ZNF236: variants seen among roughly 807,000 people sequenced by gnomAD.
ZNF236 encodes the protein zinc finger protein 236.
Under a neutral mutation model 191.2 loss-of-function variants are expected in ZNF236, and 50 were observed. The ratio of observed to expected loss-of-function variants is 0.26; its 90% confidence interval spans 0.21 to 0.33. The LOEUF (loss-of-function observed/expected upper bound fraction) is 0.33. Ranked by LOEUF, ZNF236 falls within the 10% of genes least tolerant of loss-of-function variation. The pLI is 1.00. For synonymous variants in ZNF236, 907 were observed against 928.8 expected, an observed-to-expected ratio of 0.98 and a Z score of 0.43; for missense variants, 1,754 against 2,374.5, an observed-to-expected ratio of 0.74 and a Z score of 5.43.
At chr18:76,833,601 T>C (rs1422150867) in intron 1 of ZNF236, among the ~76,000 whole-genome samples, 1 of 152,190 alleles carries the variant, frequency 6.6e-6, no homozygotes, top group Non-Finnish European at 1.5e-5. Context: ...GTACATACTT[T>C]ATGCTTTTTA....
chr18:76,844,203 G>A (rs9950669), intron 1 of ZNF236, among the ~76,000 whole-genome samples: 27,812 of 148,280 alleles, frequency 0.19, 2,733 homozygotes, highest in Middle Eastern at 0.26. Context: ...TCACACCAGT[G>A]AACTCTAGCC....
chr18:76,870,918 C>T (rs1976566041), intron 4 of ZNF236, among the ~76,000 whole-genome samples: 1 of 152,114 alleles, frequency 6.6e-6, no homozygotes, highest in Admixed American at 6.5e-5. Context: ...ATGGTGTGAC[C>T]AGACTTTCGG....
At position 76,835,915 on chromosome 18, in the gene ZNF236, C is replaced by CT. The variant is rs565820782; in HGVS notation, c.55+13263dup. On this transcript the variant is annotated intron_variant, in intron 1 of 30. Coordinates refer to ENST00000320610, the MANE Select transcript of ZNF236 (RefSeq NM_001306089.2). ...TCCATTAGCCTGCTATTTATACATT[C>CT]TTTTTTTTTTGAGATTAAGTCTTGC... 2.9e-3 allele frequency among the ~76,000 whole-genome samples: 433 copies of CT among 149,382 alleles called. 4 individuals are homozygous for CT. The highest frequency in any genetic ancestry group is 9.3e-3 in the African/African-American group (379 of 40,908).
chr18:76,861,230 G>A (rs768901754), intron 3 of ZNF236, among the ~76,000 whole-genome samples: 6 of 152,194 alleles, frequency 3.9e-5, no homozygotes, highest in Non-Finnish European at 5.9e-5. Flanking sequence ...GCAGGCTGGC[G>A]TATGTGGTAC....
intron 9 of ZNF236, chr18:76,886,515 G>T (rs1483839748): frequency 2.1e-5 from 4 of 194,024 alleles, no homozygotes; most frequent in African/African-American, 7.0e-5. Context: ...GGCACCATGA[G>T]ATCCTGGAAG....
At position 76,927,511 on chromosome 18, in the gene ZNF236, A is replaced by G; in HGVS notation, c.4408A>G (p.Ser1470Gly). 8 of 1,613,744 alleles carry G rather than the reference A, an allele frequency of 5.0e-6. No homozygotes were observed. Among genetic ancestry groups the G allele is most frequent in the Non-Finnish European group, 6.8e-6 (8 of 1,179,888 alleles). Residue 1470 changes from serine to glycine, a missense_variant, in exon 24 of 31, where the codon AGC becomes GGC. Ser to Gly is a moderately conservative substitution (Grantham distance 56). Around this residue, in one of 5 missense-constraint regions of ZNF236, gnomAD observed 606 missense variants for 761.5 expected, o/e 0.80. Transcript: ENST00000320610. The surrounding 1 kb of genome is among the most constrained non-coding windows in gnomAD (Gnocchi z 5.4). ...GCAGGATTCAGTGCTGACCACTAAC[A>G]GCAGTGGTAAGAGCCACTCACTTTT... ...SEQDSVLTTN[S>G]SGTQDLTQVM...
chr18:76,960,907 C>G lies in ZNF236; in HGVS notation c.5419+52C>G, dbSNP rs766884155. On this transcript the variant is annotated intron_variant, in intron 30 of 30. Coordinates refer to ENST00000320610, the MANE Select transcript of ZNF236 (RefSeq NM_001306089.2). This position sits in a 1 kb window ranked among gnomAD's most constrained non-coding sequence, Gnocchi z 4.4. ...TGCTGTTCGGTGGCCTGCGAGGCAC[C>G]CTGTGTTTCGCATACATTGTTTCCT... is the stretch of plus-strand genomic sequence containing the variant. 9.1e-6 allele frequency: 14 copies of G among 1,535,410 alleles called. No individual in the cohort carries two copies. The highest frequency in any genetic ancestry group is 7.0e-5 in the East Asian group (3 of 43,006).
At position 76,927,957 on chromosome 18, in the gene ZNF236, C is replaced by T. The variant is rs780391654; in HGVS notation, c.4445C>T (p.Ser1482Leu). Residue 1482 changes from serine (S) to leucine (L), a missense_variant, in exon 25 of 31, where the codon TCG (serine) becomes TTG (leucine). Coordinates refer to ENST00000320610, the MANE Select transcript of ZNF236 (RefSeq NM_001306089.2). This position sits in a 1 kb window ranked among gnomAD's most constrained non-coding sequence, Gnocchi z 5.4. ...CAAGACCTCACTCAAGTGATGACTT[C>T]GCAAGGTCTAGTGTCCCCCTCCGGC... ...GTQDLTQVMT[S>L]QGLVSPSGGP... 4.3e-6 allele frequency: 7 copies of T among 1,609,936 alleles called. No homozygotes were observed. Among genetic ancestry groups the T allele is most frequent in the Admixed American group, 3.4e-5 (2 of 59,252 alleles).
Position 76,960,895 on chromosome 18 carries a change from C to T in ZNF236, c.5419+40C>T. On this transcript the variant is annotated intron_variant, in intron 30 of 30. Coordinates refer to ENST00000320610, the MANE Select transcript of ZNF236 (RefSeq NM_001306089.2). This position sits in a 1 kb window ranked among gnomAD's most constrained non-coding sequence, Gnocchi z 4.4. The stretch of plus-strand genomic sequence containing the variant: ...CCCGGGAGTGCGTGCTGTTCGGTGG[C>T]CTGCGAGGCACCCTGTGTTTCGCAT... 1 of 1,568,796 alleles carries T rather than the reference C, an allele frequency of 6.4e-7. No individual in the cohort carries two copies. The highest frequency in any genetic ancestry group is 8.7e-7 in the Non-Finnish European group (1 of 1,155,502).
intron 3 of ZNF236, among the ~76,000 whole-genome samples, chr18:76,857,693 C>G (rs1433196130): frequency 6.6e-6 from 1 of 152,206 alleles, no homozygotes; most frequent in Non-Finnish European, 1.5e-5. Flanking sequence ...CTCGGCCTTT[C>G]CCGGGCTGCC....
chr18:76,914,844 A>C (rs1270530436), intron 18 of ZNF236, among the ~76,000 whole-genome samples: 1 of 152,140 alleles, frequency 6.6e-6, no homozygotes, highest in Non-Finnish European at 1.5e-5. Context: ...TACTCAGTAT[A>C]TTCATTATAA....
At chr18:76,850,122 C>T (rs1296759888) in intron 2 of ZNF236, among the ~76,000 whole-genome samples, 1 of 152,100 alleles carries the variant, frequency 6.6e-6, no homozygotes, top group Non-Finnish European at 1.5e-5. Context: ...AATTTGCACT[C>T]TTTTTTGCAG....
chr18:76,895,367 A>G, intron 10 of ZNF236, 82 bp downstream of exon 10: 1 of 1,548,530 alleles, frequency 6.5e-7, no homozygotes, highest in East Asian at 2.3e-5. Context: ...AAACACAGGT[A>G]TGGCACACAG....
At chr18:76,908,667 A>G (rs1411323305) in intron 14 of ZNF236, 94 bp downstream of exon 14, 2 of 1,465,906 alleles carry the variant, frequency 1.4e-6, no homozygotes, top group African/African-American at 2.8e-5. Flanking sequence ...CCCATCACTG[A>G]CTTTTAAAAC....
At chr18:76,896,526 CCA>C (rs1452201230) in intron 10 of ZNF236, among the ~76,000 whole-genome samples, 2 of 152,136 alleles carry the variant, frequency 1.3e-5, no homozygotes, top group Non-Finnish European at 2.9e-5. Flanking sequence ...CCCACAGGGA[CCA>C]CACACAGTGC....
chr18:76,864,729 G>A (rs932013368), intron 3 of ZNF236, among the ~76,000 whole-genome samples: 5 of 150,652 alleles, frequency 3.3e-5, no homozygotes, highest in Admixed American at 6.7e-5. Flanking sequence ...TTTAAAGAGG[G>A]AAAACGGTAC....
At chr18:76,903,860 T>G (rs1476063789) in intron 11 of ZNF236, among the ~76,000 whole-genome samples, 1 of 151,080 alleles carries the variant, frequency 6.6e-6, no homozygotes, top group South Asian at 2.1e-4. Flanking sequence ...TCTGTGAAAA[T>G]GCTAACCTTT....
chr18:76,908,338 G>A lies in ZNF236; in HGVS notation c.2316G>A (p.Gln772=). ...TCTGAAGATATGAGCTTGCCCAGCA[G>A]CTCCAACAGCATCAGCAGGCAGCCT... ...MKTHRYELAQ[Q]LQQHQQAASI... Residue 772 remains glutamine (Q), a synonymous_variant, in exon 14 of 31, where the codon CAG becomes CAA. Transcript: ENST00000320610. The A allele has an allele frequency of 6.2e-7, 1 of 1,613,844 alleles. No homozygotes were observed. Among genetic ancestry groups the A allele is most frequent in the Non-Finnish European group, 8.5e-7 (1 of 1,179,816 alleles).
Position 76,912,277 on chromosome 18 carries a change from G to A in ZNF236, c.2839G>A (p.Glu947Lys), listed in dbSNP as rs1478199293. Residue 947 changes from glutamate to lysine, a missense_variant, in exon 17 of 31, where the codon GAA (glutamate) becomes AAA (lysine). Physicochemically the swap from Glu to Lys is moderately conservative, Grantham distance 56 (BLOSUM62 1). This residue lies in a region of ZNF236 where 641 missense variants were observed against 869.6 expected (regional missense o/e 0.74). Transcript: ENST00000320610. ...TRLIQESSQE[E>K]LDLQAQGSQF... ...CTTGATTCAGGAGTCATCCCAAGAGGAACTGGACCTGCAGGCACAAGGTTC... is the reference window on the plus strand; with the variant it reads ...CTTGATTCAGGAGTCATCCCAAGAGAAACTGGACCTGCAGGCACAAGGTTC... The A allele has an allele frequency of 7.4e-6, 12 of 1,614,058 alleles. No homozygotes were observed. Among genetic ancestry groups the A allele is most frequent in the African/African-American group, 1.3e-5 (1 of 74,916 alleles).
Sources: gnomAD v4.1 joint callset for allele counts (sites outside exome capture counted in the v4.1 genomes callset) on GRCh38, gnomAD v4.1.1 for gene constraint, gnomAD v4.1.1 regional missense constraint, Gnocchi (gnomAD v3.1) non-coding constraint, MANE v1.5 for transcripts, NCBI Gene and HGNC (gene_info 2026-07-23, HGNC 2026-07-21) for gene names.